The following HOMER2 variants were observed in gnomAD, a reference collection of about 807,000 sequenced individuals.
The protein encoded by HOMER2 is homer protein homolog 2.
A neutral mutation model predicts 47.0 loss-of-function variants in HOMER2; 27 were observed. The ratio of observed to expected loss-of-function variants is 0.57; its 90% CI spans 0.42 to 0.79. The LOEUF (loss-of-function observed/expected upper bound fraction) is 0.79, where lower values mean the gene tolerates loss of function less well. Ranked by LOEUF, HOMER2 falls within the 30% of genes least tolerant of loss-of-function variation. HOMER2 has a pLI of 0.00. For synonymous variants in HOMER2, 161 were observed against 163.8 expected (o/e 0.98, Z 0.13); for missense variants, 443 against 435.0 (o/e 1.02, Z -0.16).
intron 3 of HOMER2, 64 bp from the exon 4 acceptor site, chr15:82,864,323 C>T: frequency 2.8e-6 from 3 of 1,084,408 alleles, no homozygotes; most frequent in East Asian, 2.4e-5. Flanking sequence ...ATTCAGAACC[C>T]ACCTTTATTT....
intron 1 of HOMER2, among the ~76,000 whole-genome samples, chr15:82,893,159 T>G (rs1470361822): frequency 6.6e-6 from 1 of 152,168 alleles, no homozygotes; most frequent in East Asian, 1.9e-4. Context: ...TCTGACATCC[T>G]GTTGTCATTT....
At chr15:82,895,242 T>C (rs1256061212) in intron 1 of HOMER2, among the ~76,000 whole-genome samples, 1 of 152,220 alleles carries the variant, frequency 6.6e-6, no homozygotes, top group Non-Finnish European at 1.5e-5. Context: ...AGGGCATTTT[T>C]ATTCCCTCAA....
chr15:82,961,854 C>A (rs2054633011), intron 1 of HOMER2, among the ~76,000 whole-genome samples: 1 of 152,076 alleles, frequency 6.6e-6, no homozygotes, highest in African/African-American at 2.4e-5. Context: ...ACCTCTGCCT[C>A]CCTGGCTCAA....
intron 7 of HOMER2, 51 bp downstream of exon 7, chr15:82,852,091 C>T (rs986475640): frequency 6.7e-6 from 9 of 1,347,878 alleles, no homozygotes; most frequent in South Asian, 2.4e-5. Flanking sequence ...TGTGCCACCC[C>T]GCAAGGCCAA....
chr15:82,949,983 A>G (rs1311953396), intron 1 of HOMER2, among the ~76,000 whole-genome samples: 3 of 152,028 alleles, frequency 2.0e-5, no homozygotes, highest in Non-Finnish European at 4.4e-5. Context: ...AGATGGGAGG[A>G]GGAAGGGATG....
intron 1 of HOMER2, among the ~76,000 whole-genome samples, chr15:82,918,558 C>G (rs2053648737): frequency 6.6e-6 from 1 of 152,122 alleles, no homozygotes; most frequent in Non-Finnish European, 1.5e-5. Flanking sequence ...TTCCCCTCCA[C>G]ACTCACCTCC....
intron 3 of HOMER2, among the ~76,000 whole-genome samples, chr15:82,872,241 C>T (rs144648199): frequency 1.2e-4 from 19 of 152,282 alleles, no homozygotes; most frequent in African/African-American, 4.3e-4. Context: ...GTCACCATCT[C>T]ATTTGCTTCT....
At chr15:82,943,567 G>A (rs764677336) in intron 1 of HOMER2, among the ~76,000 whole-genome samples, 4 of 152,178 alleles carry the variant, frequency 2.6e-5, no homozygotes, top group Non-Finnish European at 5.9e-5. Flanking sequence ...ACAACTCTTC[G>A]TTTTTCCATT....
chr15:82,859,562 G>A (rs1017926937), intron 4 of HOMER2, among the ~76,000 whole-genome samples: 3 of 152,032 alleles, frequency 2.0e-5, no homozygotes, highest in African/African-American at 7.3e-5. Context: ...TTAGAAACAA[G>A]GAATGAAAAA....
chr15:82,878,785 G>T (rs1419485218), intron 2 of HOMER2, among the ~76,000 whole-genome samples: 3 of 152,136 alleles, frequency 2.0e-5, no homozygotes, highest in Admixed American at 2.0e-4. Context: ...GCACCACCAT[G>T]CCCAGCTAAT....
chr15:82,932,549 C>T (rs1247344828), intron 1 of HOMER2, among the ~76,000 whole-genome samples: 1 of 151,846 alleles, frequency 6.6e-6, no homozygotes, highest in Non-Finnish European at 1.5e-5. Context: ...AAGAGCTACC[C>T]ACCACACCCC....
intron 1 of HOMER2, among the ~76,000 whole-genome samples, chr15:82,935,554 C>T (rs566718617): frequency 6.6e-6 from 1 of 152,236 alleles, no homozygotes; most frequent in South Asian, 2.1e-4. Flanking sequence ...TACCTCCTCC[C>T]CAGCTCCACC....
chr15:82,916,833 C>T (rs1168578129), intron 1 of HOMER2, among the ~76,000 whole-genome samples: 1 of 151,546 alleles, frequency 6.6e-6, no homozygotes, highest in Non-Finnish European at 1.5e-5. Context: ...GACAGAGTCT[C>T]ACTCTGTTGC....
chr15:82,858,223 T>C (rs575107805), intron 5 of HOMER2, among the ~76,000 whole-genome samples: 89 of 152,248 alleles, frequency 5.8e-4, no homozygotes, highest in African/African-American at 2.1e-3. Flanking sequence ...GGTGACTGAG[T>C]TTTGTGTGAT....
At chr15:82,850,334 C>T (rs1340912224) in intron 8 of HOMER2, among the ~76,000 whole-genome samples, 3 of 152,328 alleles carry the variant, frequency 2.0e-5, no homozygotes, top group East Asian at 1.9e-4. Flanking sequence ...CACAGAGAGG[C>T]GTGGCCTCCT....
chr15:82,873,311 C>G (rs972498789), intron 3 of HOMER2, among the ~76,000 whole-genome samples: 5 of 152,184 alleles, frequency 3.3e-5, no homozygotes, highest in African/African-American at 1.2e-4. Flanking sequence ...CTGTGGACCG[C>G]CATGCCTCTG....
intron 1 of HOMER2, among the ~76,000 whole-genome samples, chr15:82,893,858 C>T (rs1357028197): frequency 6.6e-6 from 1 of 152,114 alleles, no homozygotes; most frequent in East Asian, 1.9e-4. Context: ...AACTCCTGAT[C>T]TCAAGTGATC....
At chr15:82,956,506 C>T (rs978259275), upstream of HOMER2, among the ~76,000 whole-genome samples, 3 of 152,050 alleles carry the variant, frequency 2.0e-5, no homozygotes, top group Admixed American at 2.0e-4. Context: ...TTGGGGAATG[C>T]CGTGATCTGG....
chr15:82,945,096 C>A (rs563624220), intron 1 of HOMER2, among the ~76,000 whole-genome samples: 2 of 152,238 alleles, frequency 1.3e-5, no homozygotes, highest in South Asian at 2.1e-4. Flanking sequence ...CCGTGACTCA[C>A]CCAAATGACA....
Sources: allele counts gnomAD v4.1 joint callset (sites outside exome capture counted in the v4.1 genomes callset), GRCh38; gene constraint gnomAD v4.1.1; transcripts MANE v1.5; gene names NCBI Gene and HGNC (gene_info 2026-07-23, HGNC 2026-07-21).